The following GPC5 variants were observed in gnomAD, a reference collection of about 807,000 sequenced individuals.
GPC5 encodes the protein glypican 5.
In GPC5, 47 loss-of-function variants were observed where a neutral mutation model predicts 53.9. The ratio of observed to expected loss-of-function variants is 0.87; its 90% CI spans 0.69 to 1.11. GPC5 has a LOEUF of 1.11. Among genes scored for constraint, GPC5 ranks in the 50% most tolerant of loss-of-function variants. The pLI, the probability that GPC5 is intolerant of heterozygous loss-of-function variation, is 0.00. For synonymous variants in GPC5, 286 were observed against 263.3 expected, an observed-to-expected ratio of 1.09 and a Z score of -0.84; for missense variants, 748 against 713.1, an observed-to-expected ratio of 1.05 and a Z score of -0.56.
chr13:92,786,425 T>C (rs950790290), intron 7 of GPC5, among the ~76,000 whole-genome samples: 15 of 151,926 alleles, frequency 9.9e-5, no homozygotes, highest in African/African-American at 3.6e-4. Context: ...ATAAGCAGAA[T>C]AGGACTAGAT....
At chr13:92,041,263 G>T (rs2040939502) in intron 6 of GPC5, among the ~76,000 whole-genome samples, 1 of 152,114 alleles carries the variant, frequency 6.6e-6, no homozygotes, top group Admixed American at 6.5e-5. Context: ...GTTAAGTGAG[G>T]GCTTACTGTA....
At chr13:91,557,774 T>C (rs534603755) in intron 2 of GPC5, among the ~76,000 whole-genome samples, 2 of 152,230 alleles carry the variant, frequency 1.3e-5, no homozygotes, top group African/African-American at 4.8e-5. Context: ...AAGAAAAAGA[T>C]GTTCTCAGAT....
intron 7 of GPC5, among the ~76,000 whole-genome samples, chr13:92,579,300 TCCCTCC>T (rs1483446769): frequency 0.02 from 904 of 45,372 alleles, 63 homozygotes; most frequent in African/African-American, 0.037. Context: ...TCTCTCTCTC[TCCCTCC>T]CTCCCTCCCT....
intron 3 of GPC5, among the ~76,000 whole-genome samples, chr13:91,698,172 C>A (rs572501131): frequency 6.6e-6 from 1 of 152,098 alleles, no homozygotes; most frequent in African/African-American, 2.4e-5. Flanking sequence ...AGGTCAGAAT[C>A]ATAATTTTCA....
At chr13:91,635,496 TTGG>T (rs2034264290) in intron 2 of GPC5, among the ~76,000 whole-genome samples, 1 of 152,094 alleles carries the variant, frequency 6.6e-6, no homozygotes, top group African/African-American at 2.4e-5. Flanking sequence ...CATCTTCCTG[TTGG>T]TGGGCATGTT....
At chr13:92,478,152 A>G (rs1879222088) in intron 7 of GPC5, among the ~76,000 whole-genome samples, 1 of 152,158 alleles carries the variant, frequency 6.6e-6, no homozygotes, top group Non-Finnish European at 1.5e-5. Flanking sequence ...ATTTTTAGCT[A>G]TAATCTCATT....
intron 7 of GPC5, among the ~76,000 whole-genome samples, chr13:92,152,131 T>C (rs577569768): frequency 2.0e-5 from 3 of 152,336 alleles, no homozygotes; most frequent in South Asian, 4.1e-4. Flanking sequence ...AATGTTACAA[T>C]TGATTTTTTG....
intron 7 of GPC5, among the ~76,000 whole-genome samples, chr13:92,710,681 G>A (rs1168477345): frequency 6.6e-6 from 1 of 152,116 alleles, no homozygotes; most frequent in Non-Finnish European, 1.5e-5. Context: ...CCAGGCTCTG[G>A]CCCAGAGATG....
intron 5 of GPC5, among the ~76,000 whole-genome samples, chr13:91,831,152 A>G (rs1232177540): frequency 1.3e-5 from 2 of 148,434 alleles, no homozygotes; most frequent in Non-Finnish European, 3.0e-5. Flanking sequence ...AACTTACACA[A>G]TCATAAAGTC....
chr13:92,613,363 AT>A (rs1234226090), intron 7 of GPC5, among the ~76,000 whole-genome samples: 68 of 88,964 alleles, frequency 7.6e-4, no homozygotes, highest in African/African-American at 3.0e-3. Context: ...TATATAATAT[AT>A]TTATATATAA....
intron 7 of GPC5, among the ~76,000 whole-genome samples, chr13:92,205,097 C>T (rs1264947340): frequency 6.6e-6 from 1 of 152,150 alleles, no homozygotes; most frequent in Non-Finnish European, 1.5e-5. Flanking sequence ...CTAAGATGGT[C>T]TCGATCTCCT....
chr13:92,073,603 T>C (rs868652183), intron 6 of GPC5, among the ~76,000 whole-genome samples: 1 of 152,222 alleles, frequency 6.6e-6, no homozygotes, highest in Admixed American at 6.5e-5. Context: ...ACGTGAATCT[T>C]CCTGAGTTTC....
chr13:92,211,492 T>G (rs2042375308), intron 7 of GPC5, among the ~76,000 whole-genome samples: 1 of 152,230 alleles, frequency 6.6e-6, no homozygotes, highest in African/African-American at 2.4e-5. Flanking sequence ...TTCCAAGAGT[T>G]GGTTCATTCA....
chr13:92,088,531 C>T (rs1196922686), intron 6 of GPC5, among the ~76,000 whole-genome samples: 1 of 152,118 alleles, frequency 6.6e-6, no homozygotes. Flanking sequence ...CCCTCCTCAC[C>T]TCTTTCACCT....
At chr13:92,294,746 T>G (rs980744946) in intron 7 of GPC5, among the ~76,000 whole-genome samples, 7 of 152,016 alleles carry the variant, frequency 4.6e-5, no homozygotes, top group African/African-American at 1.7e-4. Flanking sequence ...TGTTTGGGTT[T>G]GGTTTGTTCT....
intron 7 of GPC5, among the ~76,000 whole-genome samples, chr13:92,264,664 A>G (rs2042789289): frequency 6.7e-6 from 1 of 150,062 alleles, no homozygotes; most frequent in Non-Finnish European, 1.5e-5. Flanking sequence ...GTTCTTGTCT[A>G]GTTTTTTTTT....
intron 6 of GPC5, among the ~76,000 whole-genome samples, chr13:92,069,404 G>A (rs551939036): frequency 4.9e-4 from 61 of 124,472 alleles, no homozygotes; most frequent in African/African-American, 1.7e-3. Flanking sequence ...TAATGTGTGC[G>A]TGCATGTGTG....
intron 3 of GPC5, among the ~76,000 whole-genome samples, chr13:91,720,112 A>C (rs1257837929): frequency 1.1e-4 from 16 of 149,524 alleles, no homozygotes; most frequent in Non-Finnish European, 2.4e-4. Context: ...CTGTCCCCCC[A>C]AAAAACAAAA....
chr13:92,184,467 T>C (rs1268065439), intron 7 of GPC5, among the ~76,000 whole-genome samples: 1 of 152,120 alleles, frequency 6.6e-6, no homozygotes, highest in Non-Finnish European at 1.5e-5. Flanking sequence ...CCTTCCCCAC[T>C]TCCTACTTCT....
Sources: gnomAD v4.1 joint callset for allele counts (sites outside exome capture counted in the v4.1 genomes callset) on GRCh38, gnomAD v4.1.1 for gene constraint, MANE v1.5 for transcripts, NCBI Gene and HGNC (gene_info 2026-07-23, HGNC 2026-07-21) for gene names.